The following TAFA4 variants were observed in gnomAD, a reference collection of about 807,000 sequenced individuals.
The protein encoded by TAFA4 is TAFA chemokine like family member 4, also known as chemokine-like protein TAFA-4.
TAFA4 carries 20 observed loss-of-function variants against 21.1 expected under a neutral mutation model. The observed-to-expected ratio is 0.95, with a 90% CI of 0.67 to 1.38. The LOEUF (loss-of-function observed/expected upper bound fraction) is 1.38, where lower values mean the gene tolerates loss of function less well. Ranked by LOEUF, TAFA4 falls within the 40% of genes most tolerant of loss-of-function variation. TAFA4 has a pLI of 0.00. For missense variants in TAFA4, 211 were observed against 180.9 expected, an observed-to-expected ratio of 1.17 and a Z score of -0.95; for synonymous variants, 71 against 67.4, an observed-to-expected ratio of 1.05 and a Z score of -0.26.
chr3:68,915,806 G>C (rs2089999159), intron 1 of TAFA4, among the ~76,000 whole-genome samples: 1 of 152,136 alleles, frequency 6.6e-6, no homozygotes, highest in Non-Finnish European at 1.5e-5. Context: ...ATCCATATTA[G>C]AATTAATAAT....
At chr3:68,909,374 G>A (rs1308763151) in intron 1 of TAFA4, among the ~76,000 whole-genome samples, 1 of 152,166 alleles carries the variant, frequency 6.6e-6, no homozygotes, top group Non-Finnish European at 1.5e-5. Context: ...AATTCTATGA[G>A]GGCAGGACCT....
chr3:68,826,158 C>G lies in TAFA4; in HGVS notation c.130+54572G>C, dbSNP rs1704223518. On this transcript the variant is annotated intron_variant, in intron 3 of 5. Transcript: ENST00000295569. ...ATTTGCTCCGAAGGGAGAAGATGCC[C>G]TAAGAACACTGGACCTGCAGTCGGA... Among the ~76,000 whole-genome samples the G allele has an allele frequency of 2.6e-5, 4 of 152,168 alleles. 1 individual carries two copies. The highest frequency in any genetic ancestry group is 2.6e-4 in the Admixed American group (4 of 15,270).
At chr3:68,752,539 A>G (rs1051041552) in intron 4 of TAFA4, among the ~76,000 whole-genome samples, 4 of 152,204 alleles carry the variant, frequency 2.6e-5, no homozygotes, top group African/African-American at 7.2e-5. Context: ...AGTAGAGAGC[A>G]TAAGAGGAAG....
intron 1 of TAFA4, among the ~76,000 whole-genome samples, chr3:68,894,778 G>A (rs1466731586): frequency 6.6e-6 from 1 of 152,230 alleles, no homozygotes; most frequent in African/African-American, 2.4e-5. Flanking sequence ...CTTCCTGGAA[G>A]AGGCAACAGC....
intron 3 of TAFA4, among the ~76,000 whole-genome samples, chr3:68,851,806 G>A (rs1285318284): frequency 6.6e-6 from 1 of 152,184 alleles, no homozygotes; most frequent in Non-Finnish European, 1.5e-5. Context: ...ATGGGAGAGA[G>A]ATCAATGAGG....
intron 3 of TAFA4, among the ~76,000 whole-genome samples, chr3:68,864,955 G>C (rs2089397396): frequency 6.6e-6 from 1 of 152,102 alleles, no homozygotes; most frequent in Non-Finnish European, 1.5e-5. Context: ...CCTAGGGATG[G>C]TGGGAAGGAA....
At chr3:68,899,956 T>C (rs543003777) in intron 1 of TAFA4, among the ~76,000 whole-genome samples, 3 of 151,800 alleles carry the variant, frequency 2.0e-5, no homozygotes, top group African/African-American at 7.3e-5. Context: ...ATTAAAATAA[T>C]AGGCCTGGCA....
intron 3 of TAFA4, among the ~76,000 whole-genome samples, chr3:68,804,226 C>T (rs1703637205): frequency 6.6e-6 from 1 of 152,098 alleles, no homozygotes; most frequent in East Asian, 1.9e-4. Flanking sequence ...TAAAGCATCT[C>T]TGAATAAATC....
chr3:68,760,483 C>T (rs1272374515), intron 3 of TAFA4, among the ~76,000 whole-genome samples: 1 of 152,154 alleles, frequency 6.6e-6, no homozygotes, highest in Non-Finnish European at 1.5e-5. Flanking sequence ...TTGCATCCTT[C>T]TCCTTTTGTT....
chr3:68,738,672 G>T (rs1432073090), intron 5 of TAFA4, among the ~76,000 whole-genome samples: 2 of 152,198 alleles, frequency 1.3e-5, no homozygotes, highest in East Asian at 1.9e-4. Context: ...TGGCTTCTAA[G>T]TCTTGAATAA....
chr3:68,850,029 C>G (rs1024301796), intron 3 of TAFA4, among the ~76,000 whole-genome samples: 1 of 152,194 alleles, frequency 6.6e-6, no homozygotes, highest in Non-Finnish European at 1.5e-5. Context: ...AGGTTTTTGG[C>G]TTGCCAGTTG....
At chr3:68,822,976 C>T (rs950438118) in intron 3 of TAFA4, among the ~76,000 whole-genome samples, 4 of 152,140 alleles carry the variant, frequency 2.6e-5, no homozygotes, top group African/African-American at 4.8e-5. Flanking sequence ...TTTGGCATTT[C>T]CCAAATGAAT....
intron 3 of TAFA4, among the ~76,000 whole-genome samples, chr3:68,819,274 TAAAAAAA>T (rs59090610): frequency 0.031 from 3,434 of 109,392 alleles, 88 homozygotes; most frequent in Non-Finnish European, 0.041. Flanking sequence ...TGTCTTTAAT[TAAAAAAA>T]AAAAAAAAAA....
intron 4 of TAFA4, among the ~76,000 whole-genome samples, chr3:68,751,249 C>G (rs1702552979): frequency 6.6e-6 from 1 of 152,146 alleles, no homozygotes; most frequent in African/African-American, 2.4e-5. Flanking sequence ...TGGAGTTTAT[C>G]TTAAAGAGAG....
At chr3:68,797,612 CAAA>C (rs71112671) in intron 3 of TAFA4, among the ~76,000 whole-genome samples, 7 of 75,936 alleles carry the variant, frequency 9.2e-5, no homozygotes, top group Middle Eastern at 6.6e-3. Context: ...GACTCCATCT[CAAA>C]AAAAAAAAAA....
At chr3:68,764,399 T>G (rs1331278574) in intron 3 of TAFA4, among the ~76,000 whole-genome samples, 1 of 152,168 alleles carries the variant, frequency 6.6e-6, no homozygotes, top group African/African-American at 2.4e-5. Context: ...TAAATTTATT[T>G]TGTTTAAGCT....
At chr3:68,900,158 C>T (rs1233934146) in intron 1 of TAFA4, among the ~76,000 whole-genome samples, 1 of 150,054 alleles carries the variant, frequency 6.7e-6, no homozygotes, top group East Asian at 1.9e-4. Context: ...ATGAGAATCA[C>T]TTGAACCTGG....
rs190332651 is a variant in TAFA4, at chr3:68,904,849, C to T, written c.-122-19539G>A. On this transcript the variant is annotated intron_variant, in intron 1 of 5. Transcript: ENST00000295569. Reference sequence around the variant, plus strand: ...GGCTACTTTTGCTGGTCCACCAGTGCCCTGGGGAATGCCCAGTGAGGAAGG... The same window carrying T: ...GGCTACTTTTGCTGGTCCACCAGTGTCCTGGGGAATGCCCAGTGAGGAAGG... 6.6e-5 allele frequency among the ~76,000 whole-genome samples: 10 copies of T among 152,286 alleles called. No individual in the cohort carries two copies. In the East Asian group the frequency reaches 1.9e-3, roughly 29 times the overall value.
chr3:68,929,555 A>C (rs2090141009), intron 1 of TAFA4, among the ~76,000 whole-genome samples: 1 of 152,272 alleles, frequency 6.6e-6, no homozygotes, highest in African/African-American at 2.4e-5. Flanking sequence ...AAATTAGCCC[A>C]TCACCTACGT....
Sources: allele counts gnomAD v4.1 joint callset (sites outside exome capture counted in the v4.1 genomes callset), GRCh38; gene constraint gnomAD v4.1.1; transcripts MANE v1.5; gene names NCBI Gene and HGNC (gene_info 2026-07-23, HGNC 2026-07-21).